PADI2: variants seen among roughly 807,000 people sequenced by gnomAD.
PADI2 encodes the protein protein-arginine deiminase type-2.
A neutral mutation model predicts 81.1 loss-of-function variants in PADI2; 70 were observed. That is an observed-to-expected ratio of 0.86 (90% confidence interval 0.71 to 1.05). The LOEUF is 1.05. Among genes scored for constraint, PADI2 ranks in the 50% least tolerant of loss-of-function variants. The probability of loss-of-function intolerance (pLI) is 0.00; values close to 1 mark genes in which losing one functional copy is unlikely to be tolerated. For synonymous variants in PADI2, 338 were observed against 358.0 expected (o/e 0.94, Z 0.63); for missense variants, 853 against 889.9 (o/e 0.96, Z 0.53).
At chr1:17,109,702 G>A (rs987688446) in intron 1 of PADI2, among the ~76,000 whole-genome samples, 2 of 152,004 alleles carry the variant, frequency 1.3e-5, no homozygotes, top group Non-Finnish European at 2.9e-5. Flanking sequence ...TGTTGGCCTG[G>A]CTGGTCTTGA....
chr1:17,098,135 C>A (rs577063158), intron 3 of PADI2, among the ~76,000 whole-genome samples: 13 of 152,290 alleles, frequency 8.5e-5, no homozygotes, highest in South Asian at 2.1e-4. Flanking sequence ...TCAGCAGGGC[C>A]TCGGACTCCG....
rs2078230815 is a variant in PADI2 at position 17,067,443 on chromosome 1, G to A, written c.*1601C>T. The A allele has an allele frequency of 6.6e-6, 1 of 152,168 alleles. No individual in the cohort carries two copies. The highest frequency in any genetic ancestry group is 1.9e-4 in the East Asian group (1 of 5,188). The allele number at this position is 152,168 out of a possible 1,614,324, so 9.4% of individuals were successfully genotyped here. On this transcript the variant is annotated 3_prime_UTR_variant, in exon 16 of 16. Transcript: ENST00000375486. ...TCATTGGATGGGTACTGGCTAGGTA[G>A]ATGGGAAGGGGGCCTGTTTAAAGAA...
chr1:17,114,741 G>C (rs538048222), intron 1 of PADI2, among the ~76,000 whole-genome samples: 1 of 152,244 alleles, frequency 6.6e-6, no homozygotes, highest in Non-Finnish European at 1.5e-5. Context: ...TGGAGGAGGT[G>C]ACATTGGAGC....
At position 17,080,847 on chromosome 1, in the gene PADI2, G is replaced by A. The variant is rs150865601; in HGVS notation, c.1159-1432C>T. Among the ~76,000 whole-genome samples the A allele has an allele frequency of 3.9e-3, 593 of 152,352 alleles. 4 individuals are homozygous for A. The highest frequency in any genetic ancestry group is 0.014 in the African/African-American group (563 of 41,580). On this transcript the variant is annotated intron_variant, in intron 10 of 15. Transcript: ENST00000375486. Reference sequence around the variant, plus strand: ...TTGCCTTACAAAATCCAGTGGAGTCGGAGGATGTGGCTTATCCTGGCTCAG... The same window carrying A: ...TTGCCTTACAAAATCCAGTGGAGTCAGAGGATGTGGCTTATCCTGGCTCAG...
intron 7 of PADI2, among the ~76,000 whole-genome samples, 182 bp from the exon 8 acceptor site, chr1:17,084,884 G>A (rs2101585762): frequency 6.6e-6 from 1 of 152,392 alleles, no homozygotes; most frequent in East Asian, 1.9e-4. Context: ...ACCACCGCAG[G>A]AGGTAGATAC....
intron 4 of PADI2, among the ~76,000 whole-genome samples, chr1:17,094,910 G>A (rs970404866): frequency 2.0e-5 from 3 of 152,140 alleles, no homozygotes; most frequent in African/African-American, 4.8e-5. Context: ...TGCAGGGCTG[G>A]CCCTGGTCTC....
intron 4 of PADI2, 62 bp from the exon 5 acceptor site, chr1:17,093,746 C>A (rs1930796297): frequency 1.0e-6 from 1 of 986,780 alleles, no homozygotes; most frequent in Admixed American, 1.9e-5. Context: ...CCCCATGGGA[C>A]ACTGGAGAGA....
In PADI2 at chr1:17,069,288, G is replaced by A; in HGVS notation, c.1765-11C>T. The A allele has an allele frequency of 6.2e-7, 1 of 1,602,002 alleles. No homozygotes were observed. Among genetic ancestry groups the A allele is most frequent in the Non-Finnish European group, 8.6e-7 (1 of 1,169,028 alleles). On this transcript the variant is annotated splice_polypyrimidine_tract_variant and intron_variant, in intron 15 of 15. Coordinates refer to ENST00000375486, the MANE Select transcript of PADI2 (RefSeq NM_007365.3). ...CACGATCATGTTCACCTGTGACGGG[G>A]GATTGCGATGGCAACAGCTTCCATT...
intron 1 of PADI2, among the ~76,000 whole-genome samples, chr1:17,118,292 T>A (rs1335621629): frequency 1.3e-5 from 2 of 152,134 alleles, no homozygotes; most frequent in Non-Finnish European, 2.9e-5. Context: ...CTCAGAGTCC[T>A]GCATGCTCCC....
chr1:17,073,504 C>G (rs1329785122), intron 13 of PADI2, among the ~76,000 whole-genome samples: 10 of 151,600 alleles, frequency 6.6e-5, no homozygotes, highest in African/African-American at 2.4e-4. Flanking sequence ...GGAACTGTGT[C>G]CTTACAAGTG....
At chr1:17,089,461 G>C (rs936689632) in intron 6 of PADI2, among the ~76,000 whole-genome samples, 2 of 152,230 alleles carry the variant, frequency 1.3e-5, no homozygotes, top group African/African-American at 4.8e-5. Context: ...AGCTTTCCCA[G>C]GGCTCAGAGC....
At chr1:17,082,924 G>A (rs2078355967) in intron 9 of PADI2, 1 of 323,858 alleles carries the variant, frequency 3.1e-6, no homozygotes, top group South Asian at 4.3e-5. Flanking sequence ...AGGCTGGAGT[G>A]CAGTGCCATG....
Position 17,075,704 on chromosome 1 carries a change from G to A in PADI2, c.1430C>T (p.Ser477Phe), listed in dbSNP as rs2078296859. 6.2e-7 allele frequency: 1 copy of A among 1,613,876 alleles called. No homozygotes were observed. The highest frequency in any genetic ancestry group is 1.7e-5 in the Admixed American group (1 of 59,938). The change falls in exon 12 of 16, where the codon TCC becomes TTC. Residue 477 changes from serine (S) to phenylalanine (F), a missense_variant. By Grantham distance (155) the Ser-to-Phe change is radical. Coordinates refer to ENST00000375486, the MANE Select transcript of PADI2 (RefSeq NM_007365.3). Reference protein sequence around the residue: ...LTVGHVDEFMSFVPIPGTKKF... With the variant: ...LTVGHVDEFMFFVPIPGTKKF... ...CTTTGTGCCGGGGATGGGGACAAAG[G>A]ACATGAACTCATCCACGTGGCCCAC...
chr1:17,101,860 C>T (rs952233419), intron 3 of PADI2, among the ~76,000 whole-genome samples: 3 of 152,164 alleles, frequency 2.0e-5, no homozygotes, highest in Admixed American at 6.5e-5. Context: ...TTGATTTTCT[C>T]ATCTATAAAA....
intron 3 of PADI2, among the ~76,000 whole-genome samples, chr1:17,100,207 T>A (rs1192871773): frequency 1.3e-5 from 2 of 152,210 alleles, no homozygotes; most frequent in Admixed American, 1.3e-4. Flanking sequence ...AGGGTCTCTG[T>A]TGGAACAGGA....
At chr1:17,110,539 T>A (rs1931541409) in intron 1 of PADI2, among the ~76,000 whole-genome samples, 1 of 152,198 alleles carries the variant, frequency 6.6e-6, no homozygotes, top group African/African-American at 2.4e-5. Context: ...AAATATTCAC[T>A]GGCTCCTCAG....
intron 2 of PADI2, among the ~76,000 whole-genome samples, chr1:17,104,099 G>A (rs533277210): frequency 2.9e-4 from 43 of 149,894 alleles, no homozygotes; most frequent in East Asian, 1.4e-3. Context: ...TGGCTAACAC[G>A]GTGAAACCCC....
Position 17,091,844 on chromosome 1 carries a change from G to A in PADI2, c.655+564C>T, listed in dbSNP as rs142057073. ...GTGTGATTGTTGTGTTTACTGCAGA[G>A]ATCTCAAAGCTGAGAACAGGGCCTG... is the stretch of plus-strand genomic sequence containing the variant. On this transcript the variant is annotated intron_variant, in intron 6 of 15. Coordinates refer to ENST00000375486, the MANE Select transcript of PADI2 (RefSeq NM_007365.3). Among the ~76,000 whole-genome samples, 961 of 152,272 alleles carry A rather than the reference G, an allele frequency of 6.3e-3. 4 individuals carry two copies. Among genetic ancestry groups the A allele is most frequent in the Non-Finnish European group, 9.6e-3 (655 of 68,014 alleles).
chr1:17,082,528 G>C lies in PADI2; in HGVS notation c.1158+17C>G, dbSNP rs1318090421. ...CCAGGATCATGCTCCACCCGCAAGT[G>C]GCCCTCAGCATCTTACCAGGAGCTC... is the stretch of plus-strand genomic sequence containing the variant. On this transcript the variant is annotated intron_variant, in intron 10 of 15. Coordinates refer to ENST00000375486, the MANE Select transcript of PADI2 (RefSeq NM_007365.3). 1.4e-6 allele frequency: 2 copies of C among 1,470,018 alleles called. No homozygotes were observed. The highest frequency in any genetic ancestry group is 2.3e-5 in the South Asian group (2 of 88,172). 91.1% of individuals were successfully genotyped at this position (1,470,018 alleles called of 1,614,324 possible). A position where few individuals can be genotyped will look rare whatever the true frequency, so the allele number is the denominator to read the frequency against.
Sources: gnomAD v4.1 joint callset for allele counts (sites outside exome capture counted in the v4.1 genomes callset) on GRCh38, gnomAD v4.1.1 for gene constraint, MANE v1.5 for transcripts, NCBI Gene and HGNC (gene_info 2026-07-23, HGNC 2026-07-21) for gene names.